The following SORCS2 variants were observed in gnomAD, a reference collection of about 807,000 sequenced individuals.
The protein encoded by SORCS2 is VPS10 domain-containing receptor SorCS2.
In SORCS2, 100 loss-of-function variants were observed where a neutral mutation model predicts 141.6. The observed-to-expected ratio is 0.71, with a 90% CI of 0.60 to 0.83. The LOEUF (loss-of-function observed/expected upper bound fraction) is 0.83, where lower values mean the gene tolerates loss of function less well. Ranked by LOEUF, SORCS2 falls within the 40% of genes least tolerant of loss-of-function variation. The pLI, the probability that SORCS2 is intolerant of heterozygous loss-of-function variation, is 0.00. For missense variants in SORCS2, 1,646 were observed against 1,560.2 expected (o/e 1.05, Z -0.93); for synonymous variants, 789 against 676.9 (o/e 1.17, Z -2.57).
At chr4:7,212,532 C>G (rs548803633) in intron 1 of SORCS2, among the ~76,000 whole-genome samples, 7 of 152,338 alleles carry the variant, frequency 4.6e-5, no homozygotes, top group South Asian at 4.1e-4. Context: ...GGTTCCTTGT[C>G]TGTCTCCATC....
chr4:7,637,694 C>T (rs1000857076), intron 3 of SORCS2, among the ~76,000 whole-genome samples: 3 of 152,148 alleles, frequency 2.0e-5, no homozygotes, highest in African/African-American at 7.2e-5. Context: ...AGCCCAGGCA[C>T]TCATGAATGA....
chr4:7,502,690 T>C (rs527387719), intron 2 of SORCS2, among the ~76,000 whole-genome samples: 45 of 152,184 alleles, frequency 3.0e-4, no homozygotes, highest in Non-Finnish European at 5.0e-4. Context: ...CTTAAGGCCA[T>C]GTGGACAGAA....
intron 2 of SORCS2, among the ~76,000 whole-genome samples, chr4:7,438,982 A>G (rs1409402211): frequency 6.6e-6 from 1 of 152,164 alleles, no homozygotes; most frequent in Non-Finnish European, 1.5e-5. Flanking sequence ...AGCACAGGGC[A>G]TGTTCCAGGC....
chr4:7,626,130 G>A (rs1170075176), intron 3 of SORCS2, among the ~76,000 whole-genome samples: 1 of 151,926 alleles, frequency 6.6e-6, no homozygotes, highest in African/African-American at 2.4e-5. Context: ...CTGGGTGACA[G>A]GGCAAGACCC....
At chr4:7,643,683 C>G (rs1720878203) in intron 4 of SORCS2, among the ~76,000 whole-genome samples, 1 of 152,112 alleles carries the variant, frequency 6.6e-6, no homozygotes, top group South Asian at 2.1e-4. Flanking sequence ...AAAGAAAAAC[C>G]CTCACAGTCC....
At chr4:7,303,535 G>A (rs919822387) in intron 1 of SORCS2, among the ~76,000 whole-genome samples, 1 of 152,184 alleles carries the variant, frequency 6.6e-6, no homozygotes, top group Non-Finnish European at 1.5e-5. Context: ...TTCTTTCAGT[G>A]TTTTTATCTA....
intron 2 of SORCS2, among the ~76,000 whole-genome samples, chr4:7,498,943 G>A (rs1807085): frequency 0.52 from 79,358 of 152,066 alleles, 22,172 homozygotes; most frequent in Non-Finnish European, 0.62. Flanking sequence ...GGGCAGCTCC[G>A]GGGCCAGTAT....
At chr4:7,221,376 A>G (rs1190013091) in intron 1 of SORCS2, among the ~76,000 whole-genome samples, 1 of 152,198 alleles carries the variant, frequency 6.6e-6, no homozygotes, top group African/African-American at 2.4e-5. Flanking sequence ...TGGGTATTAC[A>G]TGCATATGTC....
chr4:7,194,206 T>TC (rs1727033994), intron 1 of SORCS2, among the ~76,000 whole-genome samples: 1 of 152,026 alleles, frequency 6.6e-6, no homozygotes, highest in Non-Finnish European at 1.5e-5. Flanking sequence ...CCTTGCTGTC[T>TC]CCTGGGGTCC....
intron 1 of SORCS2, among the ~76,000 whole-genome samples, chr4:7,335,523 G>A (rs1719927342): frequency 6.6e-6 from 1 of 152,180 alleles, no homozygotes; most frequent in African/African-American, 2.4e-5. Context: ...CCCGCCTCTT[G>A]CTCCGGCCCG....
At chr4:7,527,981 A>T (rs1733801195) in intron 2 of SORCS2, among the ~76,000 whole-genome samples, 1 of 151,988 alleles carries the variant, frequency 6.6e-6, no homozygotes, top group Admixed American at 6.5e-5. Context: ...GCCTGTTGGC[A>T]TCGCTGCTCC....
intron 3 of SORCS2, among the ~76,000 whole-genome samples, chr4:7,579,055 T>G (rs981007323): frequency 1.6e-4 from 24 of 152,050 alleles, no homozygotes; most frequent in African/African-American, 5.8e-4. Context: ...TTTCAGTATT[T>G]ATGGAGGCTG....
At chr4:7,305,962 A>G (rs1006780965) in intron 1 of SORCS2, among the ~76,000 whole-genome samples, 2 of 152,232 alleles carry the variant, frequency 1.3e-5, no homozygotes, top group East Asian at 1.9e-4. Context: ...ACAGTGAGGC[A>G]GAAGATCCTG....
intron 2 of SORCS2, among the ~76,000 whole-genome samples, chr4:7,463,581 G>A (rs537622791): frequency 6.6e-5 from 10 of 152,250 alleles, no homozygotes; most frequent in Admixed American, 2.0e-4. Flanking sequence ...CCTTCTCCAC[G>A]TCTCTGTTAA....
intron 2 of SORCS2, among the ~76,000 whole-genome samples, chr4:7,471,692 G>A (rs1307056784): frequency 2.0e-5 from 3 of 152,224 alleles, no homozygotes; most frequent in African/African-American, 4.8e-5. Context: ...GGCCTGTTCC[G>A]GGAGTAGGCA....
intron 8 of SORCS2, among the ~76,000 whole-genome samples, chr4:7,675,703 G>A (rs1723061435): frequency 1.3e-5 from 2 of 152,214 alleles, no homozygotes; most frequent in Non-Finnish European, 1.5e-5. Context: ...ATCTGGGGGT[G>A]CATAGAGGAA....
intron 2 of SORCS2, among the ~76,000 whole-genome samples, chr4:7,497,286 C>T (rs12649503): frequency 0.89 from 134,696 of 152,168 alleles, 61,324 homozygotes; most frequent in South Asian, 0.99. Context: ...CTGAGGAGGG[C>T]CTCATTCAGC....
chr4:7,222,066 A>G (rs11728465), intron 1 of SORCS2, among the ~76,000 whole-genome samples: 35,792 of 151,882 alleles, frequency 0.24, 4,382 homozygotes, highest in East Asian at 0.44. Flanking sequence ...AGCCCACCAG[A>G]CAAGGGGAAA....
At chr4:7,590,763 C>T (rs558682167) in intron 3 of SORCS2, among the ~76,000 whole-genome samples, 5 of 152,330 alleles carry the variant, frequency 3.3e-5, no homozygotes, top group Admixed American at 1.3e-4. Flanking sequence ...ACTGCGCCGG[C>T]TACTGCTGAC....
Sources: allele counts gnomAD v4.1 joint callset (sites outside exome capture counted in the v4.1 genomes callset), GRCh38; gene constraint gnomAD v4.1.1; transcripts MANE v1.5; gene names NCBI Gene and HGNC (gene_info 2026-07-23, HGNC 2026-07-21).